Variants in PLCB1 observed in about 807,000 individuals in gnomAD.
PLCB1 encodes the protein 1-phosphatidylinositol 4,5-bisphosphate phosphodiesterase beta-1.
A neutral mutation model predicts 161.8 loss-of-function variants in PLCB1; 46 were observed. The observed-to-expected ratio is 0.28, with a 90% CI of 0.22 to 0.36. The LOEUF is 0.36. PLCB1 is among the 10% of genes least tolerant of loss of function. The pLI, the probability that PLCB1 is intolerant of heterozygous loss-of-function variation, is 1.00. For missense variants in PLCB1, 1,016 were observed against 1,472.5 expected, an observed-to-expected ratio of 0.69 and a Z score of 5.07; for synonymous variants, 517 against 503.7, an observed-to-expected ratio of 1.03 and a Z score of -0.35.
At position 8,535,105 on chromosome 20, in the gene PLCB1, T is replaced by TA. The variant is rs10560220; in HGVS notation, c.247-93169dup. Among the ~76,000 whole-genome samples the TA allele has an allele frequency of 8.3e-3, 900 of 108,272 alleles. 32 individuals carry two copies. The East Asian group carries it at 0.13, about 15-fold the overall frequency. 71.0% of individuals were successfully genotyped at this position (108,272 alleles called of 152,430 possible). A position where few individuals can be genotyped will look rare whatever the true frequency, so the allele number is the denominator to read the frequency against. ...AAATATAATTTTTAGAGTTTTAAAG[T>TA]AAAAAAAAAAAAAAAAAAAAGGATA... On this transcript the variant is annotated intron_variant, in intron 3 of 31. Transcript: ENST00000338037.
rs118076556 is a variant in PLCB1, at chr20:8,278,853, C to T, written c.178-92529C>T. Among the ~76,000 whole-genome samples, 257 of 152,128 alleles carry T rather than the reference C, an allele frequency of 1.7e-3. 2 individuals are homozygous for T. In the East Asian group the frequency reaches 0.028, roughly 17 times the overall value. ...GTATGCACTGTTGGAAATATATTCT[C>T]CTCCACCCTAGGAAACAGGCATAAG... On this transcript the variant is annotated intron_variant, in intron 2 of 31. Transcript: ENST00000338037.
At chr20:8,701,041 G>A (rs936036912) in intron 11 of PLCB1, among the ~76,000 whole-genome samples, 5 of 152,232 alleles carry the variant, frequency 3.3e-5, no homozygotes, top group African/African-American at 1.2e-4. Flanking sequence ...TGTAAGCACA[G>A]AGCTGGCACT....
intron 3 of PLCB1, among the ~76,000 whole-genome samples, chr20:8,548,896 T>C (rs544229246): frequency 6.6e-6 from 1 of 152,322 alleles, no homozygotes; most frequent in South Asian, 2.1e-4. Context: ...AAATATTGGA[T>C]GCCAAGAAAA....
At chr20:8,168,317 A>C (rs1180189574) in intron 2 of PLCB1, among the ~76,000 whole-genome samples, 1 of 152,202 alleles carries the variant, frequency 6.6e-6, no homozygotes, top group African/African-American at 2.4e-5. Flanking sequence ...TTAGTAGAAG[A>C]TTGTCTCTCT....
At chr20:8,547,647 G>A (rs2071567316) in intron 3 of PLCB1, among the ~76,000 whole-genome samples, 1 of 151,878 alleles carries the variant, frequency 6.6e-6, no homozygotes, top group African/African-American at 2.4e-5. Context: ...TACCCCACTT[G>A]TCAGTCCACC....
chr20:8,758,667 T>C (rs746530286), intron 24 of PLCB1, among the ~76,000 whole-genome samples: 1 of 152,196 alleles, frequency 6.6e-6, no homozygotes, highest in African/African-American at 2.4e-5. Flanking sequence ...TAAAGAGTTT[T>C]ATATACCAAA....
intron 3 of PLCB1, among the ~76,000 whole-genome samples, chr20:8,384,114 G>A (rs1987346482): frequency 6.6e-6 from 1 of 152,030 alleles, no homozygotes; most frequent in South Asian, 2.1e-4. Flanking sequence ...CCTGAAGTGT[G>A]TTTTCCAGCT....
In PLCB1 at chr20:8,674,003, T is replaced by G. The variant is rs550329467; in HGVS notation, c.863-10929T>G. ...TTGGGGAATTATCCCCCGGAAGCAG[T>G]CCTCAAACAGTGACTGATGGGACTT... On this transcript the variant is annotated intron_variant, in intron 9 of 31. Coordinates refer to ENST00000338037, the MANE Select transcript of PLCB1 (RefSeq NM_015192.4). 2.0e-4 allele frequency among the ~76,000 whole-genome samples: 30 copies of G among 152,172 alleles called. No individual in the cohort carries two copies. In the South Asian group the frequency reaches 5.6e-3, roughly 28 times the overall value.
At chr20:8,509,686 T>A (rs1983788175) in intron 3 of PLCB1, among the ~76,000 whole-genome samples, 1 of 151,976 alleles carries the variant, frequency 6.6e-6, no homozygotes, top group Non-Finnish European at 1.5e-5. Context: ...GATAGATGGA[T>A]AACAGGTAGG....
intron 3 of PLCB1, among the ~76,000 whole-genome samples, chr20:8,405,820 T>A (rs1978762215): frequency 6.6e-6 from 1 of 152,180 alleles, no homozygotes; most frequent in Non-Finnish European, 1.5e-5. Context: ...CTTCCTACTT[T>A]TTATTATTAT....
chr20:8,585,110 G>T (rs529285986), intron 3 of PLCB1, among the ~76,000 whole-genome samples: 4 of 152,286 alleles, frequency 2.6e-5, no homozygotes, highest in African/African-American at 7.2e-5. Context: ...CATGGCCAGG[G>T]TCTCATTGTG....
chr20:8,649,102 A>G (rs1184781177), intron 6 of PLCB1, among the ~76,000 whole-genome samples: 3 of 152,226 alleles, frequency 2.0e-5, no homozygotes, highest in South Asian at 2.1e-4. Context: ...AGTGCTTAAT[A>G]TTAGAGATTA....
chr20:8,323,149 G>A (rs1984991123), intron 2 of PLCB1, among the ~76,000 whole-genome samples: 1 of 152,048 alleles, frequency 6.6e-6, no homozygotes, highest in Admixed American at 6.6e-5. Context: ...TGCGGGATTT[G>A]GTCATTCTCT....
chr20:8,244,718 C>T (rs1365587098), intron 2 of PLCB1, among the ~76,000 whole-genome samples: 4 of 151,738 alleles, frequency 2.6e-5, no homozygotes, highest in African/African-American at 4.8e-5. Flanking sequence ...TATGCTATAC[C>T]GCAGTAAAAG....
At chr20:8,316,782 T>G (rs1278839107) in intron 2 of PLCB1, among the ~76,000 whole-genome samples, 1 of 152,130 alleles carries the variant, frequency 6.6e-6, no homozygotes, top group Non-Finnish European at 1.5e-5. Flanking sequence ...ATTTATAACA[T>G]GATCTGGTTG....
chr20:8,700,751 T>C (rs1364161521), intron 11 of PLCB1, among the ~76,000 whole-genome samples: 2 of 152,174 alleles, frequency 1.3e-5, no homozygotes, highest in African/African-American at 4.8e-5. Flanking sequence ...GGCTGAGATG[T>C]GGGGAGGTGA....
chr20:8,301,047 T>C (rs74449657), intron 2 of PLCB1, among the ~76,000 whole-genome samples: 2,673 of 152,288 alleles, frequency 0.018, 87 homozygotes, highest in African/African-American at 0.061. Context: ...GAGTCAGTTC[T>C]ACAATGCTGC....
chr20:8,762,448 C>G (rs902653946), intron 25 of PLCB1, among the ~76,000 whole-genome samples: 1 of 152,182 alleles, frequency 6.6e-6, no homozygotes, highest in Admixed American at 6.5e-5. Flanking sequence ...GGAACAGCCT[C>G]TCTCATCTAC....
intron 11 of PLCB1, among the ~76,000 whole-genome samples, chr20:8,701,186 GA>G (rs947745325): frequency 6.6e-6 from 1 of 152,126 alleles, no homozygotes; most frequent in Non-Finnish European, 1.5e-5. Flanking sequence ...TTTGTAATAA[GA>G]AAGAGTAAGA....
Sources: gnomAD v4.1 joint callset for allele counts (sites outside exome capture counted in the v4.1 genomes callset) on GRCh38, gnomAD v4.1.1 for gene constraint, MANE v1.5 for transcripts, NCBI Gene and HGNC (gene_info 2026-07-23, HGNC 2026-07-21) for gene names.